SDK1: variants seen among roughly 807,000 people sequenced by gnomAD.
SDK1 encodes protein sidekick-1.
In SDK1, 157 loss-of-function variants were observed where a neutral mutation model predicts 245.5. That is an observed-to-expected ratio of 0.64 (90% CI 0.56 to 0.73). SDK1 has a LOEUF of 0.73. Ranked by LOEUF, SDK1 falls within the 30% of genes least tolerant of loss-of-function variation. The pLI, the probability that SDK1 is intolerant of heterozygous loss-of-function variation, is 0.00. For synonymous variants in SDK1, 1,647 were observed against 1,278.5 expected, an observed-to-expected ratio of 1.29 and a Z score of -6.15; for missense variants, 3,583 against 3,002.3, an observed-to-expected ratio of 1.19 and a Z score of -4.52.
At chr7:3,735,030 G>A (rs995995741) in intron 4 of SDK1, among the ~76,000 whole-genome samples, 1 of 152,138 alleles carries the variant, frequency 6.6e-6, no homozygotes, top group African/African-American at 2.4e-5. Flanking sequence ...ATTACAGAAC[G>A]CTCCCTCAAG....
chr7:3,354,490 G>C (rs1780742309), intron 1 of SDK1, among the ~76,000 whole-genome samples: 1 of 152,086 alleles, frequency 6.6e-6, no homozygotes, highest in South Asian at 2.1e-4. Context: ...AAGAAGTATA[G>C]GTAACATAAT....
Position 4,248,716 on chromosome 7 carries a change from G to C in SDK1, c.6381+2911G>C, listed in dbSNP as rs74862734. On this transcript the variant is annotated intron_variant, in intron 44 of 44. Transcript: ENST00000404826. Reference sequence around the variant, plus strand: ...CATACATGCACACATGTACACACACGCACACGCACATACCCAAATATGTAC... The same window carrying C: ...CATACATGCACACATGTACACACACCCACACGCACATACCCAAATATGTAC... Among the ~76,000 whole-genome samples, 507 of 151,294 alleles carry C rather than the reference G, an allele frequency of 3.4e-3. 4 individuals are homozygous for C. Among genetic ancestry groups the C allele is most frequent in the African/African-American group, 0.012 (486 of 41,208 alleles).
intron 1 of SDK1, among the ~76,000 whole-genome samples, chr7:3,501,486 A>G (rs17133471): frequency 0.032 from 4,910 of 152,126 alleles, 286 homozygotes; most frequent in African/African-American, 0.11. Context: ...GGAATTTATG[A>G]CATTGATTTT....
At chr7:4,094,847 C>T (rs1782046718) in intron 22 of SDK1, among the ~76,000 whole-genome samples, 1 of 152,150 alleles carries the variant, frequency 6.6e-6, no homozygotes, top group Non-Finnish European at 1.5e-5. Flanking sequence ...GCAGAGGCTT[C>T]AGGCAGAGTC....
chr7:3,875,420 A>G (rs1781052240), intron 5 of SDK1, among the ~76,000 whole-genome samples: 1 of 152,204 alleles, frequency 6.6e-6, no homozygotes, highest in Non-Finnish European at 1.5e-5. Context: ...TAGTTCCTTT[A>G]ATACCCAAGA....
chr7:3,869,225 G>A (rs530436869), intron 5 of SDK1, among the ~76,000 whole-genome samples: 2 of 144,338 alleles, frequency 1.4e-5, no homozygotes, highest in African/African-American at 2.6e-5. Context: ...ATGCAATCTC[G>A]GCCCACTGCA....
At chr7:3,685,392 C>G (rs1784249681) in intron 4 of SDK1, among the ~76,000 whole-genome samples, 1 of 152,044 alleles carries the variant, frequency 6.6e-6, no homozygotes, top group South Asian at 2.1e-4. Flanking sequence ...AAAGGAAAAT[C>G]AAGATGTTCC....
intron 5 of SDK1, among the ~76,000 whole-genome samples, chr7:3,867,515 G>A (rs1045194255): frequency 6.6e-6 from 1 of 152,300 alleles, no homozygotes; most frequent in Non-Finnish European, 1.5e-5. Context: ...AAGGCAAGGA[G>A]GGGCCAGTCA....
chr7:3,344,498 T>A (rs538335602), intron 1 of SDK1, among the ~76,000 whole-genome samples: 170 of 152,192 alleles, frequency 1.1e-3, no homozygotes, highest in Non-Finnish European at 2.0e-3. Flanking sequence ...GTGCTTTGCT[T>A]ATGTTGATAT....
At chr7:3,625,164 C>T (rs1782074056) in intron 2 of SDK1, among the ~76,000 whole-genome samples, 1 of 151,838 alleles carries the variant, frequency 6.6e-6, no homozygotes, top group Non-Finnish European at 1.5e-5. Flanking sequence ...ATACAATGAA[C>T]AATTAAATAT....
chr7:3,464,232 T>C (rs1226682163), intron 1 of SDK1, among the ~76,000 whole-genome samples: 2 of 152,120 alleles, frequency 1.3e-5, no homozygotes, highest in East Asian at 3.9e-4. Flanking sequence ...TCTGTTGAAA[T>C]AAGGTATTGG....
At chr7:3,526,145 A>G (rs1339423221) in intron 1 of SDK1, among the ~76,000 whole-genome samples, 1 of 152,062 alleles carries the variant, frequency 6.6e-6, no homozygotes, top group African/African-American at 2.4e-5. Flanking sequence ...AGGCAGGAGA[A>G]TTGCTTGAAC....
intron 1 of SDK1, among the ~76,000 whole-genome samples, chr7:3,409,791 G>A (rs1415042474): frequency 6.6e-6 from 1 of 152,156 alleles, no homozygotes; most frequent in African/African-American, 2.4e-5. Context: ...AGGGGATTGA[G>A]GTGTGGAGTT....
At chr7:3,855,453 T>C (rs951781792) in intron 5 of SDK1, among the ~76,000 whole-genome samples, 1 of 152,192 alleles carries the variant, frequency 6.6e-6, no homozygotes, top group African/African-American at 2.4e-5. Flanking sequence ...TAAACATTGA[T>C]TGTTGCAATA....
Position 3,994,498 on chromosome 7 carries a change from C to G in SDK1, c.2131+7176C>G, listed in dbSNP as rs1260166396. On this transcript the variant is annotated intron_variant, in intron 14 of 44. Transcript: ENST00000404826. Reference sequence around the variant, plus strand: ...ATCTACAAAAAATTAAAAAATTAGCCAGGTGTGGTGGCTCATGCCTATAAT... The same window carrying G: ...ATCTACAAAAAATTAAAAAATTAGCGAGGTGTGGTGGCTCATGCCTATAAT... Among the ~76,000 whole-genome samples, 5 of 151,942 alleles carry G rather than the reference C, an allele frequency of 3.3e-5. No homozygotes were observed. In the South Asian group the frequency reaches 6.2e-4, roughly 19 times the overall value.
intron 5 of SDK1, among the ~76,000 whole-genome samples, chr7:3,824,722 C>A (rs530922293): frequency 6.6e-6 from 1 of 152,178 alleles, no homozygotes; most frequent in Non-Finnish European, 1.5e-5. Context: ...TTGCTAGATA[C>A]TGTGGCTACA....
intron 1 of SDK1, among the ~76,000 whole-genome samples, chr7:3,448,321 C>T (rs995373536): frequency 1.3e-5 from 2 of 151,954 alleles, no homozygotes; most frequent in African/African-American, 4.8e-5. Flanking sequence ...TGAATTTCTG[C>T]TCATATTATC....
At chr7:3,616,285 A>G (rs1214331865) in intron 1 of SDK1, among the ~76,000 whole-genome samples, 1 of 152,184 alleles carries the variant, frequency 6.6e-6, no homozygotes, top group African/African-American at 2.4e-5. Flanking sequence ...CACGTTGTTA[A>G]TACTCGGACA....
intron 1 of SDK1, among the ~76,000 whole-genome samples, chr7:3,597,250 C>T (rs555949419): frequency 5.5e-5 from 7 of 127,994 alleles, no homozygotes; most frequent in South Asian, 5.2e-4. Context: ...CCAGCCTGGT[C>T]GACAGAGTAA....
Sources: gnomAD v4.1 joint callset for allele counts (sites outside exome capture counted in the v4.1 genomes callset) on GRCh38, gnomAD v4.1.1 for gene constraint, MANE v1.5 for transcripts, NCBI Gene and HGNC (gene_info 2026-07-23, HGNC 2026-07-21) for gene names.